Variants in GCSAML observed in about 807,000 individuals in gnomAD.
The protein encoded by GCSAML is germinal center associated signaling and motility like, also known as germinal center-associated signaling and motility-like protein.
Under a neutral mutation model 13.0 loss-of-function variants are expected in GCSAML, and 9 were observed. That is an observed-to-expected ratio of 0.69 (90% CI 0.42 to 1.21). GCSAML has a LOEUF of 1.21. Among genes scored for constraint, GCSAML ranks in the 50% most tolerant of loss-of-function variants. The probability of loss-of-function intolerance (pLI) is 0.00; values close to 1 mark genes in which losing one functional copy is unlikely to be tolerated. For synonymous variants in GCSAML, 37 were observed against 52.9 expected (o/e 0.70, Z 1.31); for missense variants, 143 against 153.4 (o/e 0.93, Z 0.36).
Position 247,527,086 on chromosome 1 carries a change from G to A in GCSAML, c.-148+32G>A, listed in dbSNP as rs1227027859. 1 of 456,392 alleles carries A rather than the reference G, an allele frequency of 2.2e-6. No homozygotes were observed. The allele number at this position is 456,392 out of a possible 1,614,324, so 28.3% of individuals were successfully genotyped here. On this transcript the variant is annotated intron_variant, in intron 2 of 5. Transcript: ENST00000366489. This position sits in a 1 kb window ranked among gnomAD's most constrained non-coding sequence, Gnocchi z 4.6. ...ATCACATTTCAAGTGTATTTCCTTG[G>A]GTTCTGGAGAGGATGTCTTCATTTT...
At chr1:247,520,031 T>G (rs145776611) in intron 1 of GCSAML, among the ~76,000 whole-genome samples, 18 of 152,360 alleles carry the variant, frequency 1.2e-4, no homozygotes, top group African/African-American at 3.8e-4. Flanking sequence ...GAAGTAGGAA[T>G]ATTTTAAGAT....
At chr1:247,556,363 A>C (rs780242874) in intron 1 of GCSAML, 44 bp from the exon 2 acceptor site, 1 of 1,355,092 alleles carries the variant, frequency 7.4e-7, no homozygotes, top group African/African-American at 1.5e-5. Flanking sequence ...AAAAATGTGG[A>C]GGGCAGTAAC....
intron 2 of GCSAML, chr1:247,532,491 C>G: frequency 6.2e-7 from 1 of 1,613,824 alleles, no homozygotes; most frequent in East Asian, 2.2e-5. Context: ...CTGGAGAACT[C>G]ACATTGGCTA....
At chr1:247,515,592 T>C (rs927894536) in intron 1 of GCSAML, among the ~76,000 whole-genome samples, 1 of 152,208 alleles carries the variant, frequency 6.6e-6, no homozygotes, top group Non-Finnish European at 1.5e-5. Context: ...CTCACAGTTC[T>C]GCAGGCTGTA....
At chr1:247,570,900 G>A (rs1176057) in intron 4 of GCSAML, among the ~76,000 whole-genome samples, 56,412 of 151,960 alleles carry the variant, frequency 0.37, 11,702 homozygotes, top group East Asian at 0.79. Context: ...TCCTGTATTC[G>A]GTGCATATAT....
intron 1 of GCSAML, among the ~76,000 whole-genome samples, chr1:247,508,512 T>G (rs956623646): frequency 2.6e-5 from 4 of 152,246 alleles, no homozygotes; most frequent in Non-Finnish European, 4.4e-5. Context: ...CTCTTAAGTT[T>G]AATTAGATCC....
intron 1 of GCSAML, among the ~76,000 whole-genome samples, chr1:247,552,090 A>G (rs571239351): frequency 6.6e-6 from 1 of 152,316 alleles, no homozygotes; most frequent in Admixed American, 6.5e-5. Context: ...GTTTCTATCA[A>G]TCACCTTGGG....
chr1:247,561,063 C>T (rs1000375794), intron 2 of GCSAML, among the ~76,000 whole-genome samples: 6 of 152,110 alleles, frequency 3.9e-5, no homozygotes, highest in Non-Finnish European at 7.4e-5. Context: ...CAGCAATTCT[C>T]CCACCTCAGC....
rs980316167 is a variant in GCSAML at position 247,571,111 on chromosome 1, G to A, written c.169-3032G>A. On this transcript the variant is annotated intron_variant, in intron 4 of 4. Transcript: ENST00000366488. The stretch of plus-strand genomic sequence containing the variant: ...ATGTGTGTCTCTGCATGTGAGATGG[G>A]TCTCCTGAATACAGCACACTGATGG... Among the ~76,000 whole-genome samples, 4 of 152,048 alleles carry A rather than the reference G, an allele frequency of 2.6e-5. No individual in the cohort carries two copies. The East Asian group carries it at 7.7e-4, about 29-fold the overall frequency.
At chr1:247,516,349 C>T (rs950948661) in intron 1 of GCSAML, among the ~76,000 whole-genome samples, 3 of 152,158 alleles carry the variant, frequency 2.0e-5, no homozygotes, top group Admixed American at 6.5e-5. Context: ...GAGCAATTAG[C>T]GAACACAGGT....
At chr1:247,519,577 A>G (rs116682566) in intron 1 of GCSAML, among the ~76,000 whole-genome samples, 98 of 152,364 alleles carry the variant, frequency 6.4e-4, no homozygotes, top group African/African-American at 2.3e-3. Flanking sequence ...ATTTCAGGTT[A>G]TATGTCACTT....
intron 2 of GCSAML, among the ~76,000 whole-genome samples, chr1:247,563,152 C>T (rs1668203518): frequency 6.6e-6 from 1 of 152,028 alleles, no homozygotes; most frequent in Non-Finnish European, 1.5e-5. Flanking sequence ...CCGGCCACCA[C>T]ACTTATTAAT....
At chr1:247,513,235 C>G (rs1177361296) in intron 1 of GCSAML, among the ~76,000 whole-genome samples, 1 of 152,208 alleles carries the variant, frequency 6.6e-6, no homozygotes, top group African/African-American at 2.4e-5. Context: ...GAGAGGCAGT[C>G]TGGCTACAGC....
rs762465766 is a variant in GCSAML at position 247,556,465 on chromosome 1, C to A, written c.88C>A (p.Arg30=). 2 of 1,606,516 alleles carry A rather than the reference C, an allele frequency of 1.2e-6. No individual in the cohort carries two copies. The highest frequency in any genetic ancestry group is 1.1e-5 in the South Asian group (1 of 90,660). ...AGGAAACCCAGATGAGGAAAGAAAA[C>A]GGTAAGAACAGAGCATCTCAGAGTT... ...KKGNPDEERK[R]QEMTTFERKL... The change falls in exon 2 of 5, where the codon CGG becomes AGG. Residue 30 remains arginine (R), a splice_region_variant and synonymous_variant. Coordinates refer to ENST00000366488, the MANE Select transcript of GCSAML (RefSeq NM_145278.5).
intron 2 of GCSAML, among the ~76,000 whole-genome samples, chr1:247,537,275 A>G (rs965159401): frequency 6.6e-6 from 1 of 152,064 alleles, no homozygotes; most frequent in Non-Finnish European, 1.5e-5. Flanking sequence ...TTCAAGGTTC[A>G]TCTATGTTGT....
chr1:247,572,254 T>C (rs1415176042), intron 4 of GCSAML, among the ~76,000 whole-genome samples: 1 of 151,992 alleles, frequency 6.6e-6, no homozygotes, highest in Non-Finnish European at 1.5e-5. Flanking sequence ...TGGCGAGGAG[T>C]TGTGATCTTT....
chr1:247,542,503 A>G (rs181445658), intron 2 of GCSAML, among the ~76,000 whole-genome samples: 31 of 152,350 alleles, frequency 2.0e-4, no homozygotes, highest in African/African-American at 7.0e-4. Flanking sequence ...TTTTAAATGT[A>G]CTTTGAGTGT....
intron 1 of GCSAML, chr1:247,525,362 C>T (rs1666637464): frequency 6.6e-6 from 1 of 152,194 alleles, no homozygotes; most frequent in South Asian, 2.1e-4. Context: ...TCCCCGTTTC[C>T]AATACCAATT....
intron 4 of GCSAML, among the ~76,000 whole-genome samples, chr1:247,568,931 T>C (rs1668490569): frequency 6.6e-6 from 1 of 152,126 alleles, no homozygotes. Context: ...TTATTCTCTT[T>C]GTATTGTGAA....
Sources: gnomAD v4.1 joint callset for allele counts (sites outside exome capture counted in the v4.1 genomes callset) on GRCh38, gnomAD v4.1.1 for gene constraint, Gnocchi (gnomAD v3.1) non-coding constraint, MANE v1.5 for transcripts, NCBI Gene and HGNC (gene_info 2026-07-23, HGNC 2026-07-21) for gene names.